Variants in NXPH2 observed in about 807,000 individuals in gnomAD.
NXPH2 encodes the protein neurexophilin 2.
In NXPH2, 5 loss-of-function variants were observed where a neutral mutation model predicts 19.8. That is an observed-to-expected ratio of 0.25 (90% CI 0.13 to 0.53). NXPH2 has a LOEUF of 0.53. Among genes scored for constraint, NXPH2 ranks in the 20% least tolerant of loss-of-function variants. The pLI, the probability that NXPH2 is intolerant of heterozygous loss-of-function variation, is 0.96. For synonymous variants in NXPH2, 154 were observed against 127.4 expected, an observed-to-expected ratio of 1.21 and a Z score of -1.41; for missense variants, 289 against 322.8, an observed-to-expected ratio of 0.90 and a Z score of 0.80.
intron 1 of NXPH2, among the ~76,000 whole-genome samples, chr2:138,763,120 G>T (rs1682043396): frequency 6.6e-6 from 1 of 152,138 alleles, no homozygotes. Flanking sequence ...AAGACAGTAA[G>T]ATAGTAAATT....
At chr2:138,724,854 C>G (rs534905392) in intron 1 of NXPH2, among the ~76,000 whole-genome samples, 6 of 152,342 alleles carry the variant, frequency 3.9e-5, no homozygotes, top group East Asian at 1.9e-4. Flanking sequence ...GCTCCATGCT[C>G]TCTTTGAAAC....
chr2:138,700,033 A>G (rs188671662), intron 1 of NXPH2, among the ~76,000 whole-genome samples: 149 of 152,084 alleles, frequency 9.8e-4, no homozygotes, highest in African/African-American at 3.5e-3. Flanking sequence ...CTGTTTTCCT[A>G]TTTCCCAGTA....
intron 1 of NXPH2, among the ~76,000 whole-genome samples, chr2:138,758,023 C>A (rs981714762): frequency 6.6e-6 from 1 of 152,016 alleles, no homozygotes; most frequent in Non-Finnish European, 1.5e-5. Flanking sequence ...TGGGGAAGCA[C>A]AAGGATGAAT....
intron 1 of NXPH2, among the ~76,000 whole-genome samples, chr2:138,769,555 T>G (rs891299142): frequency 6.6e-6 from 1 of 152,052 alleles, no homozygotes; most frequent in Non-Finnish European, 1.5e-5. Flanking sequence ...AATGGAAAAG[T>G]CAAGCATGCT....
intron 1 of NXPH2, among the ~76,000 whole-genome samples, chr2:138,703,177 T>C (rs1680957555): frequency 6.6e-6 from 1 of 152,190 alleles, no homozygotes; most frequent in Admixed American, 6.5e-5. Flanking sequence ...TAAAACCTAA[T>C]GCTTCGAGTG....
chr2:138,693,411 T>C (rs956268121), intron 1 of NXPH2, among the ~76,000 whole-genome samples: 7 of 152,132 alleles, frequency 4.6e-5, no homozygotes, highest in Non-Finnish European at 7.4e-5. Context: ...ATGTGAGCCA[T>C]CAGAATTAGC....
chr2:138,715,360 T>C (rs1336842174), intron 1 of NXPH2, among the ~76,000 whole-genome samples: 1 of 152,240 alleles, frequency 6.6e-6, no homozygotes, highest in Admixed American at 6.5e-5. Context: ...GACTTATAAT[T>C]ATTTGCAGGG....
intron 1 of NXPH2, among the ~76,000 whole-genome samples, chr2:138,772,200 G>T (rs1385931326): frequency 6.6e-6 from 1 of 152,322 alleles, no homozygotes; most frequent in East Asian, 1.9e-4. Flanking sequence ...AACCTCTGCT[G>T]ATCCTAACTG....
At chr2:138,685,672 T>G (rs1426695652) in intron 1 of NXPH2, among the ~76,000 whole-genome samples, 3 of 152,184 alleles carry the variant, frequency 2.0e-5, no homozygotes, top group Non-Finnish European at 4.4e-5. Flanking sequence ...GTTGAATATC[T>G]TATGTAATTT....
At chr2:138,738,670 C>T (rs1210335426) in intron 1 of NXPH2, among the ~76,000 whole-genome samples, 4 of 152,194 alleles carry the variant, frequency 2.6e-5, no homozygotes, top group Admixed American at 6.5e-5. Flanking sequence ...TCAAAGCACT[C>T]AAGTTCAATG....
intron 1 of NXPH2, among the ~76,000 whole-genome samples, chr2:138,748,226 AGCCTCAGTTTCTAATC>A (rs1681771887): frequency 6.6e-6 from 1 of 152,192 alleles, no homozygotes; most frequent in South Asian, 2.1e-4. Context: ...TAAGCACTCT[AGCCTCAGTTTCTAATC>A]TGGAACACAG....
intron 1 of NXPH2, among the ~76,000 whole-genome samples, chr2:138,702,308 A>G (rs1680936588): frequency 6.6e-6 from 1 of 152,132 alleles, no homozygotes; most frequent in Non-Finnish European, 1.5e-5. Flanking sequence ...TTGTAGAGAC[A>G]GGAAGTCTTG....
chr2:138,763,323 T>A (rs1383292681), intron 1 of NXPH2, among the ~76,000 whole-genome samples: 1 of 152,186 alleles, frequency 6.6e-6, no homozygotes, highest in Admixed American at 6.5e-5. Flanking sequence ...TATTTTCATA[T>A]TTTTCTATCA....
intron 1 of NXPH2, among the ~76,000 whole-genome samples, chr2:138,733,194 C>G (rs1301189318): frequency 6.6e-6 from 1 of 152,194 alleles, no homozygotes; most frequent in Non-Finnish European, 1.5e-5. Context: ...TCCCTTGAAG[C>G]TGTTCTTTCT....
chr2:138,747,748 C>G (rs1261840800), intron 1 of NXPH2, among the ~76,000 whole-genome samples: 1 of 152,186 alleles, frequency 6.6e-6, no homozygotes, highest in Non-Finnish European at 1.5e-5. Context: ...GGAGTCCCCT[C>G]TCTTCTTGAA....
chr2:138,756,449 C>CTT (rs11400090), intron 1 of NXPH2, among the ~76,000 whole-genome samples: 2 of 141,174 alleles, frequency 1.4e-5, no homozygotes, highest in African/African-American at 5.2e-5. Context: ...AATTTTAGGA[C>CTT]TTTTTTTTTT....
intron 1 of NXPH2, among the ~76,000 whole-genome samples, chr2:138,731,000 C>T (rs1318044726): frequency 6.6e-6 from 1 of 152,176 alleles, no homozygotes; most frequent in East Asian, 1.9e-4. Flanking sequence ...ACATCACCTC[C>T]TTAGATAGGC....
At chr2:138,756,012 C>G (rs970077230) in intron 1 of NXPH2, among the ~76,000 whole-genome samples, 1 of 151,844 alleles carries the variant, frequency 6.6e-6, no homozygotes, top group Non-Finnish European at 1.5e-5. Context: ...ACTTACTAAC[C>G]TTGTATCCTG....
intron 1 of NXPH2, among the ~76,000 whole-genome samples, chr2:138,712,898 C>A (rs1024823134): frequency 2.6e-5 from 4 of 152,220 alleles, no homozygotes; most frequent in Non-Finnish European, 5.9e-5. Context: ...AGAAAAGGAG[C>A]AAACAGGGGC....
Sources: allele counts gnomAD v4.1 joint callset (sites outside exome capture counted in the v4.1 genomes callset), GRCh38; gene constraint gnomAD v4.1.1; transcripts MANE v1.5; gene names NCBI Gene and HGNC (gene_info 2026-07-23, HGNC 2026-07-21).